The following CDH12 variants were observed in gnomAD, a reference collection of about 807,000 sequenced individuals.
CDH12 encodes cadherin 12, also known as cadherin-12.
A neutral mutation model predicts 74.1 loss-of-function variants in CDH12; 41 were observed. The observed-to-expected ratio is 0.55, with a 90% confidence interval of 0.43 to 0.72. The LOEUF (loss-of-function observed/expected upper bound fraction) is 0.72, where lower values mean the gene tolerates loss of function less well. CDH12 is among the 30% of genes least tolerant of loss of function. The pLI, the probability that CDH12 is intolerant of heterozygous loss-of-function variation, is 0.00. For missense variants in CDH12, 945 were observed against 977.2 expected (o/e 0.97, Z 0.44); for synonymous variants, 399 against 355.0 (o/e 1.12, Z -1.39).
At chr5:21,972,865 G>A (rs561894466) in intron 6 of CDH12, among the ~76,000 whole-genome samples, 31 of 151,588 alleles carry the variant, frequency 2.0e-4, no homozygotes, top group Non-Finnish European at 3.8e-4. Flanking sequence ...ATACCATGTG[G>A]TAAAATTTCA....
chr5:22,478,030 T>C (rs1481858272), intron 2 of CDH12, among the ~76,000 whole-genome samples: 1 of 152,144 alleles, frequency 6.6e-6, no homozygotes, highest in Non-Finnish European at 1.5e-5. Flanking sequence ...ATTAGACTCA[T>C]TATATATTCC....
intron 3 of CDH12, among the ~76,000 whole-genome samples, chr5:22,291,307 G>C (rs538724448): frequency 3.3e-5 from 5 of 152,046 alleles, no homozygotes; most frequent in African/African-American, 1.2e-4. Context: ...AAAATGAAAA[G>C]AATGCCAACT....
At chr5:22,181,408 T>C (rs1749639248) in intron 4 of CDH12, among the ~76,000 whole-genome samples, 1 of 152,144 alleles carries the variant, frequency 6.6e-6, no homozygotes, top group Non-Finnish European at 1.5e-5. Flanking sequence ...AGACATCTCA[T>C]CTTCTATGGA....
At chr5:21,935,212 G>A (rs900169560) in intron 6 of CDH12, among the ~76,000 whole-genome samples, 4 of 151,960 alleles carry the variant, frequency 2.6e-5, no homozygotes, top group Admixed American at 6.6e-5. Context: ...AAAATTTACA[G>A]TGCTTCTCAG....
intron 4 of CDH12, among the ~76,000 whole-genome samples, chr5:22,178,968 G>A (rs1053560301): frequency 3.3e-5 from 5 of 152,350 alleles, no homozygotes; most frequent in Admixed American, 2.6e-4. Context: ...GTGAGGTGAG[G>A]ACTCAAGTGG....
chr5:21,763,776 C>G (rs924288376), intron 12 of CDH12, among the ~76,000 whole-genome samples: 8 of 152,106 alleles, frequency 5.3e-5, no homozygotes, highest in African/African-American at 1.7e-4. Context: ...CTACCACCAC[C>G]TAACATAAAA....
At chr5:22,380,063 C>G (rs1226192780) in intron 3 of CDH12, among the ~76,000 whole-genome samples, 1 of 152,104 alleles carries the variant, frequency 6.6e-6, no homozygotes, top group Non-Finnish European at 1.5e-5. Flanking sequence ...CTGGTCCTCT[C>G]AAACATTAAA....
At position 21,751,802 on chromosome 5, in the gene CDH12, G is replaced by A. The variant is rs1486889204; in HGVS notation, c.2320C>T (p.Arg774Cys). ...DYDYLTDWGP[R>C]FKVLADMFGE... is the part of the protein sequence containing the mutation. ...AACATGTCTGCCAAGACTTTAAAGCGGGGTCCCCAGTCTGTCAGATAGTCA... is the reference window on the plus strand; with the variant it reads ...AACATGTCTGCCAAGACTTTAAAGCAGGGTCCCCAGTCTGTCAGATAGTCA... The change falls in exon 15 of 15, where the codon CGC becomes TGC. Residue 774 changes from arginine (R) to cysteine (C), a missense_variant. Around this residue, in one of 3 missense-constraint regions of CDH12, gnomAD observed 791 missense variants for 792.8 expected, o/e 1.00. Transcript: ENST00000382254. 11 of 1,613,820 alleles carry A rather than the reference G, an allele frequency of 6.8e-6. No homozygotes were observed. Among genetic ancestry groups the A allele is most frequent in the African/African-American group, 1.3e-5 (1 of 74,860 alleles).
At chr5:22,672,444 A>G (rs1740953662) in intron 1 of CDH12, among the ~76,000 whole-genome samples, 1 of 151,934 alleles carries the variant, frequency 6.6e-6, no homozygotes, top group South Asian at 2.1e-4. Flanking sequence ...GAAGGGATTA[A>G]TGCCATTATG....
chr5:21,894,382 G>GAAAAAAAAAAAAAAAAAAAA (rs376989106), intron 6 of CDH12, among the ~76,000 whole-genome samples: 1 of 73,440 alleles, frequency 1.4e-5, no homozygotes, highest in Non-Finnish European at 2.9e-5. Context: ...CCGTCTCAAA[G>GAAAAAAAAAAAAAAAAAAAA]AAAAAAAAAA....
At chr5:21,848,575 GAAT>G (rs1181671258) in intron 7 of CDH12, among the ~76,000 whole-genome samples, 2 of 151,800 alleles carry the variant, frequency 1.3e-5, no homozygotes, top group Admixed American at 1.3e-4. Flanking sequence ...GTACATTCTT[GAAT>G]AATATTTATT....
At chr5:22,321,982 T>A (rs1302496977) in intron 3 of CDH12, among the ~76,000 whole-genome samples, 1 of 152,126 alleles carries the variant, frequency 6.6e-6, no homozygotes, top group East Asian at 1.9e-4. Context: ...AAATTCGATA[T>A]CTATTTCATA....
chr5:22,426,928 C>A (rs1240486480), intron 2 of CDH12, among the ~76,000 whole-genome samples: 1 of 152,112 alleles, frequency 6.6e-6, no homozygotes, highest in Non-Finnish European at 1.5e-5. Context: ...ATTCTTCCCA[C>A]CATGACCTCA....
At chr5:22,410,709 C>A (rs1743136461) in intron 2 of CDH12, among the ~76,000 whole-genome samples, 1 of 152,090 alleles carries the variant, frequency 6.6e-6, no homozygotes, top group Admixed American at 6.6e-5. Flanking sequence ...GCCAATTCCT[C>A]TTGGCCCCTT....
chr5:22,679,862 T>C (rs902898472), intron 1 of CDH12, among the ~76,000 whole-genome samples: 1 of 152,120 alleles, frequency 6.6e-6, no homozygotes, highest in Non-Finnish European at 1.5e-5. Context: ...ACTCTTTCTG[T>C]TAAACTGTTT....
chr5:21,979,450 C>T (rs1757212855), intron 5 of CDH12, among the ~76,000 whole-genome samples: 1 of 152,066 alleles, frequency 6.6e-6, no homozygotes, highest in Non-Finnish European at 1.5e-5. Flanking sequence ...AAAAAGATAC[C>T]CTGCTCCAGC....
intron 1 of CDH12, among the ~76,000 whole-genome samples, chr5:22,788,391 G>C (rs1747746598): frequency 6.6e-6 from 1 of 151,624 alleles, no homozygotes; most frequent in African/African-American, 2.4e-5. Context: ...CTTGGATGAG[G>C]GTAAGGGTAA....
intron 5 of CDH12, among the ~76,000 whole-genome samples, chr5:21,985,045 C>T (rs551228349): frequency 5.0e-4 from 76 of 152,126 alleles, no homozygotes; most frequent in African/African-American, 1.8e-3. Flanking sequence ...CTCCAAATAT[C>T]TTTGTAGCAT....
intron 1 of CDH12, among the ~76,000 whole-genome samples, chr5:22,731,273 C>G (rs1026410316): frequency 6.6e-6 from 1 of 151,656 alleles, no homozygotes; most frequent in African/African-American, 2.4e-5. Flanking sequence ...CTATTGTGAG[C>G]TAGGTATAGG....
Sources: allele counts gnomAD v4.1 joint callset (sites outside exome capture counted in the v4.1 genomes callset), GRCh38; gene constraint gnomAD v4.1.1; regional missense constraint gnomAD v4.1.1; transcripts MANE v1.5; gene names NCBI Gene and HGNC (gene_info 2026-07-23, HGNC 2026-07-21).